The following SIPA1L2 variants were observed in gnomAD, a reference collection of about 807,000 sequenced individuals.
SIPA1L2 encodes signal induced proliferation associated 1 like 2, also known as signal-induced proliferation-associated 1-like protein 2.
SIPA1L2 carries 56 observed loss-of-function variants against 163.9 expected under a neutral mutation model. The ratio of observed to expected loss-of-function variants is 0.34; its 90% confidence interval spans 0.28 to 0.43. SIPA1L2 has a LOEUF of 0.43. Among genes scored for constraint, SIPA1L2 ranks in the 20% least tolerant of loss-of-function variants. The pLI, the probability that SIPA1L2 is intolerant of heterozygous loss-of-function variation, is 1.00. For missense variants in SIPA1L2, 1,974 were observed against 2,193.5 expected (o/e 0.90, Z 2.00); for synonymous variants, 877 against 865.7 (o/e 1.01, Z -0.23).
chr1:232,521,455 T>C (rs184665711), intron 2 of SIPA1L2, among the ~76,000 whole-genome samples: 1 of 152,328 alleles, frequency 6.6e-6, no homozygotes, highest in African/African-American at 2.4e-5. Context: ...TTGTACTTCA[T>C]AGTGAAGGAA....
intron 2 of SIPA1L2, among the ~76,000 whole-genome samples, chr1:232,564,407 G>A (rs1216644613): frequency 2.6e-5 from 4 of 151,704 alleles, no homozygotes. Flanking sequence ...CCATCAGGTC[G>A]ACTGCTCAGG....
At chr1:232,538,413 G>A (rs1254638313) in intron 2 of SIPA1L2, among the ~76,000 whole-genome samples, 1 of 152,186 alleles carries the variant, frequency 6.6e-6, no homozygotes, top group Non-Finnish European at 1.5e-5. Context: ...GACTCAGAGG[G>A]AAAGAATGCC....
intron 1 of SIPA1L2, among the ~76,000 whole-genome samples, chr1:232,594,273 A>G (rs1661123973): frequency 6.6e-6 from 1 of 152,226 alleles, no homozygotes; most frequent in African/African-American, 2.4e-5. Flanking sequence ...AGGGGAAAGG[A>G]GACAGTGGTA....
intron 11 of SIPA1L2, among the ~76,000 whole-genome samples, chr1:232,444,462 G>A (rs1663086982): frequency 1.3e-5 from 2 of 152,104 alleles, no homozygotes; most frequent in Non-Finnish European, 2.9e-5. Flanking sequence ...CGACTTTTGA[G>A]TTGGGAGACC....
At chr1:232,471,276 T>A (rs1289052618) in intron 8 of SIPA1L2, 95 bp downstream of exon 8, 1 of 1,330,148 alleles carries the variant, frequency 7.5e-7, no homozygotes. Context: ...ATCACAAAGT[T>A]GCAAATAATA....
At chr1:232,425,546 C>T (rs751807547) in intron 18 of SIPA1L2, 43 bp downstream of exon 18, 3 of 1,476,524 alleles carry the variant, frequency 2.0e-6, no homozygotes, top group Non-Finnish European at 2.7e-6. Context: ...TGCGATCAGC[C>T]CACCCTCGGC....
At chr1:232,478,144 C>A (rs1339929350) in intron 7 of SIPA1L2, among the ~76,000 whole-genome samples, 1 of 152,074 alleles carries the variant, frequency 6.6e-6, no homozygotes, top group Non-Finnish European at 1.5e-5. Flanking sequence ...AGCTAAAATC[C>A]CTTAGGTTAA....
At chr1:232,420,817 A>G (rs1661532921) in intron 18 of SIPA1L2, among the ~76,000 whole-genome samples, 1 of 152,090 alleles carries the variant, frequency 6.6e-6, no homozygotes, top group Non-Finnish European at 1.5e-5. Flanking sequence ...CCTGAGCGAA[A>G]GAGTGAGACT....
chr1:232,573,940 C>A (rs778116884), intron 2 of SIPA1L2, among the ~76,000 whole-genome samples: 1 of 152,148 alleles, frequency 6.6e-6, no homozygotes, highest in African/African-American at 2.4e-5. Flanking sequence ...TTCAGTGACT[C>A]CTTTCAAAGC....
rs563702694 is a variant in SIPA1L2 at position 232,510,829 on chromosome 1, A to G, written c.1483+3028T>C. On this transcript the variant is annotated intron_variant, in intron 3 of 22. Transcript: ENST00000674635. ...CCACTTACACTCAGACATGTGCAACAGCATATGAATGAGACGCTGGCACTA... is the reference window on the plus strand; with the variant it reads ...CCACTTACACTCAGACATGTGCAACGGCATATGAATGAGACGCTGGCACTA... 3.3e-5 allele frequency among the ~76,000 whole-genome samples: 5 copies of G among 152,338 alleles called. No individual in the cohort carries two copies. In the South Asian group the frequency reaches 1.0e-3, roughly 32 times the overall value.
intron 19 of SIPA1L2, among the ~76,000 whole-genome samples, chr1:232,414,537 A>G (rs1373911504): frequency 6.6e-6 from 1 of 152,156 alleles, no homozygotes; most frequent in Non-Finnish European, 1.5e-5. Context: ...GGAGTGAGAA[A>G]GAGAAGGAAG....
At position 232,515,135 on chromosome 1, in the gene SIPA1L2, G is replaced by C. The variant is rs754566388; in HGVS notation, c.205C>G (p.Pro69Ala). ...TGGGGPANGT[P>A]AVPKMGVRAR... ...CTCACACCCATCTTGGGCACAGCTGGGGTACCATTAGCCGGACCACCACCG... is the reference window on the plus strand; with the variant it reads ...CTCACACCCATCTTGGGCACAGCTGCGGTACCATTAGCCGGACCACCACCG... The change falls in exon 3 of 23, where the codon CCA becomes GCA. Residue 69 changes from proline (P) to alanine (A), a missense_variant. Transcript: ENST00000674635. The C allele has an allele frequency of 2.5e-6, 4 of 1,613,862 alleles. No homozygotes were observed. The highest frequency in any genetic ancestry group is 2.7e-5 in the African/African-American group (2 of 74,924).
intron 22 of SIPA1L2, among the ~76,000 whole-genome samples, chr1:232,400,427 C>T (rs914310377): frequency 6.6e-6 from 1 of 152,262 alleles, no homozygotes; most frequent in South Asian, 2.1e-4. Flanking sequence ...AAATTCCTTT[C>T]GTCTTCGTGC....
intron 6 of SIPA1L2, among the ~76,000 whole-genome samples, chr1:232,480,217 C>T (rs1665276254): frequency 6.7e-6 from 1 of 149,380 alleles, no homozygotes; most frequent in Non-Finnish European, 1.5e-5. Flanking sequence ...CTTAGTTATT[C>T]TTGGCACTTG....
At chr1:232,600,945 C>T (rs774535391) in intron 1 of SIPA1L2, among the ~76,000 whole-genome samples, 8 of 152,206 alleles carry the variant, frequency 5.3e-5, no homozygotes, top group African/African-American at 1.7e-4. Context: ...TACTGTGTCA[C>T]GACAAAAATA....
chr1:232,543,439 C>T (rs1657816779), intron 2 of SIPA1L2, among the ~76,000 whole-genome samples: 1 of 149,804 alleles, frequency 6.7e-6, no homozygotes, highest in African/African-American at 2.5e-5. Context: ...CTCTGTCACC[C>T]CTTTCTCTTC....
chr1:232,417,729 C>T (rs931776333), intron 18 of SIPA1L2, among the ~76,000 whole-genome samples: 4 of 152,214 alleles, frequency 2.6e-5, no homozygotes, highest in Non-Finnish European at 5.9e-5. Flanking sequence ...ACACTTCCTT[C>T]TCTCTCTGCA....
chr1:232,508,086 CAAT>C (rs1421578651), intron 3 of SIPA1L2, among the ~76,000 whole-genome samples: 2 of 152,144 alleles, frequency 1.3e-5, no homozygotes, highest in Admixed American at 1.3e-4. Flanking sequence ...ATAGATTCGT[CAAT>C]CTGATTCCGC....
intron 18 of SIPA1L2, among the ~76,000 whole-genome samples, chr1:232,417,260 T>G (rs1558158988): frequency 6.6e-6 from 1 of 152,172 alleles, no homozygotes; most frequent in African/African-American, 2.4e-5. Context: ...TCTTACCAGA[T>G]CTCTAACAGT....
Sources: allele counts gnomAD v4.1 joint callset (sites outside exome capture counted in the v4.1 genomes callset), GRCh38; gene constraint gnomAD v4.1.1; transcripts MANE v1.5; gene names NCBI Gene and HGNC (gene_info 2026-07-23, HGNC 2026-07-21).